Variants in DGKB observed in about 807,000 individuals in gnomAD.
DGKB encodes the protein diacylglycerol kinase beta, also known as 90 kDa diacylglycerol kinase.
In DGKB, 67 loss-of-function variants were observed where a neutral mutation model predicts 114.3. The ratio of observed to expected loss-of-function variants is 0.59; its 90% confidence interval spans 0.48 to 0.72. The LOEUF is 0.72. Among genes scored for constraint, DGKB ranks in the 30% least tolerant of loss-of-function variants. The pLI is 0.00. For missense variants in DGKB, 907 were observed against 975.2 expected, an observed-to-expected ratio of 0.93 and a Z score of 0.93; for synonymous variants, 398 against 323.1, an observed-to-expected ratio of 1.23 and a Z score of -2.49.
chr7:14,338,253 T>A (rs1811029199), intron 23 of DGKB, among the ~76,000 whole-genome samples: 1 of 152,104 alleles, frequency 6.6e-6, no homozygotes. Flanking sequence ...TATTTTATTA[T>A]CCATGAAATA....
intron 17 of DGKB, among the ~76,000 whole-genome samples, chr7:14,601,092 T>G (rs946438286): frequency 2.0e-5 from 3 of 152,140 alleles, no homozygotes; most frequent in Non-Finnish European, 4.4e-5. Context: ...CTTCACAGCT[T>G]TTGCACTCTG....
At chr7:14,768,294 A>C (rs1836774646) in intron 2 of DGKB, among the ~76,000 whole-genome samples, 1 of 151,980 alleles carries the variant, frequency 6.6e-6, no homozygotes, top group South Asian at 2.1e-4. Flanking sequence ...TGGACACATA[A>C]TTAAATGTAG....
At chr7:14,262,117 G>A (rs1257518972) in intron 23 of DGKB, among the ~76,000 whole-genome samples, 1 of 152,106 alleles carries the variant, frequency 6.6e-6, no homozygotes, top group Non-Finnish European at 1.5e-5. Flanking sequence ...TGGAATATAG[G>A]AGCTTCCAAG....
chr7:14,302,072 C>T (rs116700674), intron 23 of DGKB, among the ~76,000 whole-genome samples: 511 of 152,118 alleles, frequency 3.4e-3, no homozygotes, highest in African/African-American at 0.012. Flanking sequence ...CCAAAGCCAA[C>T]AAAAAGCAAA....
intron 1 of DGKB, among the ~76,000 whole-genome samples, chr7:14,919,077 C>CACACACACACACACAA (rs1784382683): frequency 5.5e-5 from 7 of 127,816 alleles, no homozygotes; most frequent in African/African-American, 2.1e-4. Context: ...CACACACACA[C>CACACACACACACACAA]ACACACACAC....
chr7:14,192,543 T>G (rs1018934462), intron 23 of DGKB, among the ~76,000 whole-genome samples: 5 of 152,118 alleles, frequency 3.3e-5, no homozygotes, highest in African/African-American at 9.7e-5. Flanking sequence ...CAAAGTGATC[T>G]GCAGATTTAA....
intron 20 of DGKB, among the ~76,000 whole-genome samples, chr7:14,483,317 C>G (rs2128916480): frequency 6.6e-6 from 1 of 152,250 alleles, no homozygotes; most frequent in South Asian, 2.1e-4. Context: ...AAGCACATAA[C>G]TTGTTTTCTA....
chr7:14,593,241 A>G (rs1239846514), intron 17 of DGKB, among the ~76,000 whole-genome samples: 1 of 152,050 alleles, frequency 6.6e-6, no homozygotes, highest in Non-Finnish European at 1.5e-5. Flanking sequence ...AAAAACACAG[A>G]CTGAAATGAC....
chr7:14,583,105 C>T lies in DGKB; in HGVS notation c.1466G>A (p.Arg489Lys). The change falls in exon 18 of 26, where the codon AGA (arginine) becomes AAA (lysine). Residue 489 changes from arginine (R) to lysine (K), a missense_variant. Around this residue, in one of 3 missense-constraint regions of DGKB, gnomAD observed 814 missense variants for 856.6 expected, o/e 0.95. Coordinates refer to ENST00000402815, the MANE Select transcript of DGKB (RefSeq NM_001350709.2). ...TCCATCTCCACCACAGGCTAACACT[C>T]TGAAGTCAGGAACATCACGGAAAAA... ...LNFFRDVPDF[R>K]VLACGGDGTV... 1 of 1,612,964 alleles carries T rather than the reference C, an allele frequency of 6.2e-7. No homozygotes were observed.
intron 2 of DGKB, among the ~76,000 whole-genome samples, chr7:14,769,126 A>AAAGG (rs57118216): frequency 1.3e-4 from 11 of 86,126 alleles, no homozygotes; most frequent in African/African-American, 3.7e-4. Context: ...AGAAAGAAAG[A>AAAGG]GAGAGAGAGA....
In DGKB at chr7:14,386,561, T is replaced by G. The variant is rs192785314; in HGVS notation, c.1836-41170A>C. Among the ~76,000 whole-genome samples, 4 of 152,344 alleles carry G rather than the reference T, an allele frequency of 2.6e-5. No individual in the cohort carries two copies. The East Asian group carries it at 7.7e-4, about 29-fold the overall frequency. On this transcript the variant is annotated intron_variant, in intron 21 of 25. Coordinates refer to ENST00000402815, the MANE Select transcript of DGKB (RefSeq NM_001350709.2). ...TGTGACACTACCATGTGCCAGTTGC[T>G]GAAATAGTTGCACAGATTTTAGTGA...
chr7:14,285,361 A>G (rs951393766), intron 23 of DGKB, among the ~76,000 whole-genome samples: 1 of 152,188 alleles, frequency 6.6e-6, no homozygotes, highest in Non-Finnish European at 1.5e-5. Context: ...CTATTGGAGC[A>G]AAGAGGTGGG....
At chr7:14,649,582 A>G (rs1265092141) in intron 13 of DGKB, among the ~76,000 whole-genome samples, 1 of 152,008 alleles carries the variant, frequency 6.6e-6, no homozygotes, top group Non-Finnish European at 1.5e-5. Context: ...AAGAAACTGC[A>G]TCAACTAACG....
At position 14,694,156 on chromosome 7, in the gene DGKB, A is replaced by G. The variant is rs761812303; in HGVS notation, c.630T>C (p.His210=). ...ATTCCTCCAGAGACACGGTTCCATCATGATCATAGTCAATTTCTTCCATCA... is the reference window on the plus strand; with the variant it reads ...ATTCCTCCAGAGACACGGTTCCATCGTGATCATAGTCAATTTCTTCCATCA... ...HEMMEEIDYD[H]DGTVSLEEWI... Residue 210 remains histidine (H), a synonymous_variant, in exon 9 of 26, where the codon CAT becomes CAC. Coordinates refer to ENST00000402815, the MANE Select transcript of DGKB (RefSeq NM_001350709.2). 6.9e-6 allele frequency: 11 copies of G among 1,584,530 alleles called. No homozygotes were observed. In the South Asian group the frequency reaches 1.0e-4, roughly 15 times the overall value.
chr7:14,662,495 A>G (rs1362589645), intron 13 of DGKB, among the ~76,000 whole-genome samples: 2 of 152,022 alleles, frequency 1.3e-5, no homozygotes, highest in East Asian at 3.9e-4. Flanking sequence ...ACTTCTGAGT[A>G]GAGAACAGCC....
In DGKB at chr7:14,567,314, T is replaced by A. The variant is rs1336805769; in HGVS notation, c.1770+6898A>T. 5.3e-5 allele frequency among the ~76,000 whole-genome samples: 2 copies of A among 37,598 alleles called. 1 individual carries two copies. The highest frequency in any genetic ancestry group is 1.1e-3 in the Admixed American group (2 of 1,816). 24.7% of individuals were successfully genotyped at this position (37,598 alleles called of 152,430 possible). ...TAATATATTTATATATTATATATAA[T>A]TATATTATATATATTATATATTTAT... is the stretch of plus-strand genomic sequence containing the variant. On this transcript the variant is annotated intron_variant, in intron 20 of 25. Transcript: ENST00000402815.
At chr7:14,704,325 G>C (rs1010917639) in intron 6 of DGKB, among the ~76,000 whole-genome samples, 3 of 150,256 alleles carry the variant, frequency 2.0e-5, no homozygotes, top group African/African-American at 7.3e-5. Flanking sequence ...GCAGGTGCCT[G>C]TAGTCCCAGC....
chr7:14,724,184 G>C (rs1321415500), intron 5 of DGKB, among the ~76,000 whole-genome samples: 1 of 152,102 alleles, frequency 6.6e-6, no homozygotes, highest in Non-Finnish European at 1.5e-5. Flanking sequence ...AAACGTATCA[G>C]ATTTATTTAT....
intron 20 of DGKB, among the ~76,000 whole-genome samples, chr7:14,500,276 C>G (rs991974172): frequency 1.3e-5 from 2 of 151,610 alleles, no homozygotes; most frequent in East Asian, 1.9e-4. Flanking sequence ...TAAACTTCAC[C>G]TTTTTGATAA....
Sources: gnomAD v4.1 joint callset for allele counts (sites outside exome capture counted in the v4.1 genomes callset) on GRCh38, gnomAD v4.1.1 for gene constraint, gnomAD v4.1.1 regional missense constraint, MANE v1.5 for transcripts, NCBI Gene and HGNC (gene_info 2026-07-23, HGNC 2026-07-21) for gene names.